PTPA: variants seen among roughly 807,000 people sequenced by gnomAD.
PTPA encodes protein phosphatase 2 phosphatase activator.
Under a neutral mutation model 43.6 loss-of-function variants are expected in PTPA, and 13 were observed. The ratio of observed to expected loss-of-function variants is 0.30; its 90% CI spans 0.19 to 0.47. The LOEUF (loss-of-function observed/expected upper bound fraction) is 0.47, where lower values mean the gene tolerates loss of function less well. PTPA is among the 20% of genes least tolerant of loss of function. PTPA has a pLI of 0.99. For synonymous variants in PTPA, 172 were observed against 158.2 expected, an observed-to-expected ratio of 1.09 and a Z score of -0.66; for missense variants, 329 against 411.9, an observed-to-expected ratio of 0.80 and a Z score of 1.74.
chr9:129,147,292 C>T (rs1467922420), intron 9 of PTPA, 95 bp from the exon 10 acceptor site: 25 of 1,293,200 alleles, frequency 1.9e-5, no homozygotes, highest in African/African-American at 4.4e-5. Context: ...TTCCTGGGCC[C>T]GGGATGGACA....
At chr9:129,122,154 G>A (rs1293281403) in intron 2 of PTPA, among the ~76,000 whole-genome samples, 1 of 152,038 alleles carries the variant, frequency 6.6e-6, no homozygotes, top group Non-Finnish European at 1.5e-5. Context: ...CCAGGCTGGA[G>A]TTCAGTGATA....
intron 9 of PTPA, among the ~76,000 whole-genome samples, chr9:129,145,074 T>C (rs765836514): frequency 1.3e-5 from 2 of 151,472 alleles, no homozygotes; most frequent in Non-Finnish European, 2.9e-5. Context: ...CTCATGCCTA[T>C]AATCCCAGCA....
chr9:129,134,296 CTTTTTTTTTTTTT>C (rs68089837), intron 5 of PTPA, among the ~76,000 whole-genome samples: 4 of 56,884 alleles, frequency 7.0e-5, no homozygotes, highest in African/African-American at 1.6e-4. Context: ...ACTGGTAGTT[CTTTTTTTTTTTTT>C]TTTTTTTTTT....
At chr9:129,118,813 CTT>C (rs10712319) in intron 1 of PTPA, among the ~76,000 whole-genome samples, 74 of 140,484 alleles carry the variant, frequency 5.3e-4, no homozygotes, top group East Asian at 1.2e-3. Context: ...CTATGCCCAG[CTT>C]TTTTTTTTTT....
chr9:129,143,415 T>A lies in PTPA; in HGVS notation c.894+863T>A. 4.3e-6 allele frequency: 3 copies of A among 703,030 alleles called. No individual in the cohort carries two copies. In the South Asian group the frequency reaches 4.4e-5, roughly 10 times the overall value. The allele number at this position is 703,030 out of a possible 1,614,324, so 43.5% of individuals were successfully genotyped here. ...TAGTTCATGGCCTCAGACACTGTACTGTGGGCACCATCTCTTGACTCCTGG... is the reference window on the plus strand; with the variant it reads ...TAGTTCATGGCCTCAGACACTGTACAGTGGGCACCATCTCTTGACTCCTGG... On this transcript the variant is annotated intron_variant, in intron 9 of 9. Coordinates refer to ENST00000393370, the MANE Select transcript of PTPA (RefSeq NM_178000.3).
intron 9 of PTPA, among the ~76,000 whole-genome samples, chr9:129,146,247 C>T (rs904995360): frequency 1.3e-5 from 2 of 152,196 alleles, no homozygotes; most frequent in African/African-American, 4.8e-5. Context: ...TTCTGTGTCT[C>T]AGGCCCAGGA....
intron 6 of PTPA, among the ~76,000 whole-genome samples, chr9:129,136,252 C>T (rs1850360896): frequency 6.6e-6 from 1 of 152,198 alleles, no homozygotes; most frequent in South Asian, 2.1e-4. Context: ...CAGGCGTGAG[C>T]CACCGTGCCC....
chr9:129,113,070 C>CA (rs36041340), intron 1 of PTPA, among the ~76,000 whole-genome samples: 90,728 of 148,914 alleles, frequency 0.61, 29,187 homozygotes, highest in Non-Finnish European at 0.71. Flanking sequence ...AAAAAAGTCG[C>CA]AAAAAAAAAA....
At chr9:129,133,393 A>G (rs992192378) in intron 5 of PTPA, among the ~76,000 whole-genome samples, 5 of 152,214 alleles carry the variant, frequency 3.3e-5, no homozygotes, top group Non-Finnish European at 4.4e-5. Flanking sequence ...GAACCCCTGA[A>G]CAATGGGAGC....
chr9:129,122,660 T>C (rs140808016), intron 2 of PTPA, among the ~76,000 whole-genome samples: 1 of 152,328 alleles, frequency 6.6e-6, no homozygotes, highest in Non-Finnish European at 1.5e-5. Context: ...TACTGGGTCC[T>C]AGCTCCATGT....
At chr9:129,128,311 G>A (rs1849716782) in intron 3 of PTPA, among the ~76,000 whole-genome samples, 2 of 152,160 alleles carry the variant, frequency 1.3e-5, no homozygotes. Context: ...CGATGCAGGT[G>A]CATCACTTGA....
chr9:129,124,470 G>A (rs889432391), intron 3 of PTPA, among the ~76,000 whole-genome samples: 5 of 152,248 alleles, frequency 3.3e-5, no homozygotes, highest in African/African-American at 7.2e-5. Flanking sequence ...ATTCTTAGAC[G>A]TGGAAATGTG....
chr9:129,124,743 A>AG (rs1182703514), intron 3 of PTPA, among the ~76,000 whole-genome samples: 1 of 152,212 alleles, frequency 6.6e-6, no homozygotes, highest in African/African-American at 2.4e-5. Flanking sequence ...CAGGGCCTGA[A>AG]GGGCCTCCCT....
intron 4 of PTPA, among the ~76,000 whole-genome samples, chr9:129,130,600 C>A (rs1402701336): frequency 2.0e-5 from 3 of 152,026 alleles, no homozygotes; most frequent in Admixed American, 1.3e-4. Flanking sequence ...ATCATGTTGG[C>A]CAGGCTGATC....
intron 3 of PTPA, chr9:129,128,143 C>T (rs1849705176): frequency 1.0e-6 from 1 of 995,950 alleles, no homozygotes; most frequent in Non-Finnish European, 1.4e-6. Flanking sequence ...CAAGGTCTCA[C>T]AGCAGCTAAA....
At chr9:129,128,553 A>T (rs2131580869) in intron 3 of PTPA, among the ~76,000 whole-genome samples, 1 of 147,494 alleles carries the variant, frequency 6.8e-6, no homozygotes, top group Admixed American at 6.8e-5. Flanking sequence ...AAAAAAAAAA[A>T]GTTTAGTGTA....
chr9:129,128,901 T>G (rs1163669366), intron 3 of PTPA, 84 bp from the exon 4 acceptor site: 1 of 1,552,088 alleles, frequency 6.4e-7, no homozygotes, highest in African/African-American at 1.4e-5. Flanking sequence ...AAGGGGTCAT[T>G]GTCTGGCAGC....
At chr9:129,142,314 C>T (rs3124513) in intron 8 of PTPA, 131 bp from the exon 9 acceptor site, 237,260 of 792,152 alleles carry the variant, frequency 0.3, 36,142 homozygotes, top group East Asian at 0.42. Flanking sequence ...CAAGTGTCTG[C>T]GCGTGCATTG....
At chr9:129,140,418 GC>G (rs1850705559) in intron 8 of PTPA, among the ~76,000 whole-genome samples, 3 of 152,188 alleles carry the variant, frequency 2.0e-5, no homozygotes, top group Admixed American at 6.5e-5. Flanking sequence ...GCAGCCTGCA[GC>G]CCCTCCAAAG....
Sources: allele counts gnomAD v4.1 joint callset (sites outside exome capture counted in the v4.1 genomes callset), GRCh38; gene constraint gnomAD v4.1.1; transcripts MANE v1.5; gene names NCBI Gene and HGNC (gene_info 2026-07-23, HGNC 2026-07-21).